The following ASIC2 variants were observed in gnomAD, a reference collection of about 807,000 sequenced individuals.
The protein encoded by ASIC2 is acid-sensing ion channel 2.
In ASIC2, 25 loss-of-function variants were observed where a neutral mutation model predicts 57.3. The ratio of observed to expected loss-of-function variants is 0.44; its 90% CI spans 0.32 to 0.61. ASIC2 has a LOEUF of 0.61. Ranked by LOEUF, ASIC2 falls within the 20% of genes least tolerant of loss-of-function variation. ASIC2 has a pLI of 0.06. For synonymous variants in ASIC2, 319 were observed against 307.5 expected (o/e 1.04, Z -0.39); for missense variants, 641 against 738.1 (o/e 0.87, Z 1.52).
chr17:33,694,329 G>A (rs1484752122), intron 1 of ASIC2, among the ~76,000 whole-genome samples: 1 of 152,174 alleles, frequency 6.6e-6, no homozygotes, highest in African/African-American at 2.4e-5. Context: ...AAGCCCTGAT[G>A]TCTTACCCTG....
intron 1 of ASIC2, among the ~76,000 whole-genome samples, chr17:33,235,698 T>C (rs900630768): frequency 6.6e-6 from 1 of 152,130 alleles, no homozygotes. Flanking sequence ...TTGGCCTCCA[T>C]GGAGGCAGCC....
At chr17:33,502,029 C>A (rs1337504117) in intron 1 of ASIC2, among the ~76,000 whole-genome samples, 1 of 152,028 alleles carries the variant, frequency 6.6e-6, no homozygotes, top group Non-Finnish European at 1.5e-5. Flanking sequence ...GAGTGCCAGG[C>A]CAGAGGAGGT....
At chr17:33,077,307 A>G (rs754676411) in intron 3 of ASIC2, among the ~76,000 whole-genome samples, 51 of 152,266 alleles carry the variant, frequency 3.3e-4, no homozygotes, top group Admixed American at 6.5e-4. Flanking sequence ...TTCTTCTTCC[A>G]CAAGAGGATC....
Position 33,112,079 on chromosome 17 carries a change from A to AAGAG in ASIC2, c.709-16_709-13dup, listed in dbSNP as rs140895516. 2.5e-6 allele frequency: 4 copies of AAGAG among 1,584,798 alleles called. No individual in the cohort carries two copies. The highest frequency in any genetic ancestry group is 1.4e-5 in the African/African-American group (1 of 73,890). On this transcript the variant is annotated splice_polypyrimidine_tract_variant and intron_variant, in intron 1 of 9. Coordinates refer to ENST00000225823, the MANE Select transcript of ASIC2 (RefSeq NM_183377.2). ...TATTTTGTAAACACCTGAAGGAGAG[A>AAGAG]AGAGAGAGAGAGAGAGAAGCACATG...
intron 1 of ASIC2, among the ~76,000 whole-genome samples, chr17:33,687,427 G>A (rs1320328030): frequency 6.6e-6 from 1 of 152,176 alleles, no homozygotes; most frequent in African/African-American, 2.4e-5. Context: ...TGTTTCTCAT[G>A]CGTCAGGATA....
chr17:33,258,590 G>T (rs1567801386), intron 1 of ASIC2, among the ~76,000 whole-genome samples: 1 of 152,192 alleles, frequency 6.6e-6, no homozygotes, highest in Non-Finnish European at 1.5e-5. Flanking sequence ...CCCTGAGGTG[G>T]TAGTAGAGGT....
chr17:33,497,813 A>G (rs1160597345), intron 1 of ASIC2, among the ~76,000 whole-genome samples: 2 of 152,242 alleles, frequency 1.3e-5, no homozygotes, highest in Non-Finnish European at 2.9e-5. Flanking sequence ...CCACACAGCT[A>G]GTCAGAGAAA....
intron 1 of ASIC2, among the ~76,000 whole-genome samples, chr17:34,117,878 GC>G (rs911624267): frequency 6.6e-6 from 1 of 152,156 alleles, no homozygotes; most frequent in African/African-American, 2.4e-5. Context: ...ATAAATAACA[GC>G]AAGGAGCAAA....
intron 1 of ASIC2, among the ~76,000 whole-genome samples, chr17:33,767,144 G>A (rs1274036217): frequency 6.6e-6 from 1 of 152,226 alleles, no homozygotes; most frequent in Non-Finnish European, 1.5e-5. Flanking sequence ...TGAAAGCCCT[G>A]CTTGTCTGCT....
chr17:33,038,907 C>T (rs921332995), intron 3 of ASIC2, among the ~76,000 whole-genome samples: 2 of 152,238 alleles, frequency 1.3e-5, no homozygotes, highest in East Asian at 3.9e-4. Context: ...CCCTCGCAGC[C>T]CTAAGGGGAG....
intron 1 of ASIC2, among the ~76,000 whole-genome samples, chr17:34,076,740 C>A (rs1344322712): frequency 2.6e-5 from 4 of 152,094 alleles, no homozygotes; most frequent in Non-Finnish European, 5.9e-5. Context: ...GCACCAAAAC[C>A]CAGCTGGTCT....
In ASIC2 at chr17:33,415,893, C is replaced by T. The variant is rs139537530; in HGVS notation, c.556-303826G>A. ...GAGAAGGCTGTACTCCTCTCTGTTC[C>T]GCCTGGAACCTGTGTGGGCCTGGCG... is the stretch of plus-strand genomic sequence containing the variant. On this transcript the variant is annotated intron_variant, in intron 1 of 9. Coordinates refer to the ASIC2 transcript ENST00000359872. 4.3e-4 allele frequency among the ~76,000 whole-genome samples: 65 copies of T among 152,288 alleles called. No individual in the cohort carries two copies. The East Asian group carries it at 6.6e-3, about 15-fold the overall frequency.
intron 1 of ASIC2, among the ~76,000 whole-genome samples, chr17:34,116,889 G>A (rs553436167): frequency 6.6e-6 from 1 of 152,060 alleles, no homozygotes; most frequent in South Asian, 2.1e-4. Context: ...TGTGTGTGTG[G>A]GTGGGTGGGT....
intron 1 of ASIC2, among the ~76,000 whole-genome samples, chr17:33,609,015 A>C (rs981384691): frequency 6.6e-6 from 1 of 152,152 alleles, no homozygotes; most frequent in African/African-American, 2.4e-5. Flanking sequence ...GTGGGTGTGA[A>C]GGAGGTGGGG....
chr17:33,934,716 A>G (rs1916020046), intron 1 of ASIC2, among the ~76,000 whole-genome samples: 2 of 152,166 alleles, frequency 1.3e-5, no homozygotes, highest in African/African-American at 4.8e-5. Flanking sequence ...GAAAGTTCAA[A>G]ATCATCATCT....
chr17:34,101,436 G>GA (rs1473539001), intron 1 of ASIC2, among the ~76,000 whole-genome samples: 1 of 152,166 alleles, frequency 6.6e-6, no homozygotes, highest in African/African-American at 2.4e-5. Flanking sequence ...GTGCTTACCT[G>GA]AAGGTAACAA....
At chr17:34,043,290 G>A (rs1313535464) in intron 1 of ASIC2, among the ~76,000 whole-genome samples, 2 of 152,166 alleles carry the variant, frequency 1.3e-5, no homozygotes, top group African/African-American at 4.8e-5. Flanking sequence ...TATGTATGCT[G>A]TGCTTTAGTA....
chr17:33,046,025 A>G (rs1056332192), intron 3 of ASIC2, among the ~76,000 whole-genome samples: 1 of 152,186 alleles, frequency 6.6e-6, no homozygotes, highest in African/African-American at 2.4e-5. Flanking sequence ...GCCTCCAGAG[A>G]GTGCACAGGC....
chr17:33,434,122 A>AAATAAATAAAT (rs1477274648), intron 1 of ASIC2, among the ~76,000 whole-genome samples: 2 of 151,836 alleles, frequency 1.3e-5, no homozygotes, highest in Admixed American at 1.3e-4. Flanking sequence ...CTCAAAAAAT[A>AAATAAATAAAT]AATAAATAAA....
Sources: gnomAD v4.1 joint callset for allele counts (sites outside exome capture counted in the v4.1 genomes callset) on GRCh38, gnomAD v4.1.1 for gene constraint, MANE v1.5 for transcripts, NCBI Gene and HGNC (gene_info 2026-07-23, HGNC 2026-07-21) for gene names.